The following SCHIP1 variants were observed in gnomAD, a reference collection of about 807,000 sequenced individuals.
The protein encoded by SCHIP1 is schwannomin-interacting protein 1.
Under a neutral mutation model 29.7 loss-of-function variants are expected in SCHIP1, and 8 were observed. The ratio of observed to expected loss-of-function variants is 0.27; its 90% CI spans 0.16 to 0.49. SCHIP1 has a LOEUF of 0.49. Ranked by LOEUF, SCHIP1 falls within the 20% of genes least tolerant of loss-of-function variation. The pLI, the probability that SCHIP1 is intolerant of heterozygous loss-of-function variation, is 0.99. For missense variants in SCHIP1, 193 were observed against 294.6 expected, an observed-to-expected ratio of 0.66 and a Z score of 2.52; for synonymous variants, 76 against 94.9, an observed-to-expected ratio of 0.80 and a Z score of 1.16.
the SCHIP1 span, among the ~76,000 whole-genome samples, chr3:159,437,434 G>A: frequency 5.3e-5 from 8 of 151,968 alleles, no homozygotes; most frequent in East Asian, 1.9e-4. Flanking sequence ...AATGTCCTAC[G>A]GCTGCCTCAG....
At chr3:159,678,508 G>A in the SCHIP1 span, among the ~76,000 whole-genome samples, 1 of 152,092 alleles carries the variant, frequency 6.6e-6, no homozygotes, top group Non-Finnish European at 1.5e-5. Context: ...TATTAACATT[G>A]ATAAAATATA....
chr3:159,484,385 G>A, the SCHIP1 span, among the ~76,000 whole-genome samples: 6 of 152,246 alleles, frequency 3.9e-5, no homozygotes, highest in South Asian at 2.1e-4. Context: ...CAGGCAATCC[G>A]TGTAGTTGGA....
intron 1 of SCHIP1, among the ~76,000 whole-genome samples, chr3:159,840,396 C>A (rs1043279936): frequency 6.6e-6 from 1 of 152,208 alleles, no homozygotes; most frequent in Non-Finnish European, 1.5e-5. Context: ...GGGCAGAAAA[C>A]ACTGCTTCCT....
At chr3:159,539,200 C>A in the SCHIP1 span, among the ~76,000 whole-genome samples, 669 of 152,062 alleles carry the variant, frequency 4.4e-3, 6 homozygotes, top group African/African-American at 0.015. Context: ...CTAAAGAGAT[C>A]TTTTTTTGTA....
chr3:159,324,041 C>T, the SCHIP1 span, among the ~76,000 whole-genome samples: 1 of 152,104 alleles, frequency 6.6e-6, no homozygotes, highest in African/African-American at 2.4e-5. Flanking sequence ...CTAGAGATAG[C>T]AACCTGGCTT....
chr3:159,307,437 A>C, the SCHIP1 span, among the ~76,000 whole-genome samples: 1 of 152,204 alleles, frequency 6.6e-6, no homozygotes, highest in Non-Finnish European at 1.5e-5. Flanking sequence ...TATCTAGTAC[A>C]TATGCATAGG....
chr3:159,472,999 G>C, the SCHIP1 span, among the ~76,000 whole-genome samples: 1 of 152,166 alleles, frequency 6.6e-6, no homozygotes, highest in African/African-American at 2.4e-5. Context: ...GTCCCAGTGA[G>C]TGATCATTAT....
chr3:159,275,342 G>T, the SCHIP1 span, among the ~76,000 whole-genome samples: 1 of 152,024 alleles, frequency 6.6e-6, no homozygotes. Context: ...AACTTAAATT[G>T]TTCCCTTATG....
chr3:159,707,235 G>A, the SCHIP1 span, among the ~76,000 whole-genome samples: 3 of 152,022 alleles, frequency 2.0e-5, no homozygotes, highest in Non-Finnish European at 2.9e-5. Flanking sequence ...AGGGAAGAGC[G>A]GTCAAGATCA....
chr3:159,781,881 T>C, the SCHIP1 span, among the ~76,000 whole-genome samples: 1 of 152,252 alleles, frequency 6.6e-6, no homozygotes, highest in South Asian at 2.1e-4. Context: ...ACTAAAAATC[T>C]AGAAAACAGC....
At chr3:159,881,540 C>A (rs1350468705) in intron 2 of SCHIP1, among the ~76,000 whole-genome samples, 1 of 152,126 alleles carries the variant, frequency 6.6e-6, no homozygotes, top group Non-Finnish European at 1.5e-5. Context: ...ATACAATTGC[C>A]TTAAAATTAT....
At chr3:159,745,683 G>T in the SCHIP1 span, among the ~76,000 whole-genome samples, 2 of 152,106 alleles carry the variant, frequency 1.3e-5, no homozygotes, top group South Asian at 4.1e-4. Flanking sequence ...TTAATTCCCT[G>T]CTCATGTATC....
chr3:159,740,063 T>G, the SCHIP1 span, among the ~76,000 whole-genome samples: 1 of 152,198 alleles, frequency 6.6e-6, no homozygotes, highest in African/African-American at 2.4e-5. Context: ...ATCTCGTCTC[T>G]CCTCATAGCC....
chr3:159,389,578 A>G, the SCHIP1 span, among the ~76,000 whole-genome samples: 1 of 152,134 alleles, frequency 6.6e-6, no homozygotes, highest in African/African-American at 2.4e-5. Flanking sequence ...AAATACATGC[A>G]TAAGGATAAT....
At chr3:159,635,977 T>C in the SCHIP1 span, among the ~76,000 whole-genome samples, 1 of 152,192 alleles carries the variant, frequency 6.6e-6, no homozygotes, top group African/African-American at 2.4e-5. Flanking sequence ...AAAGATCTCA[T>C]GCTAACCATT....
the SCHIP1 span, among the ~76,000 whole-genome samples, chr3:159,315,481 G>A: frequency 6.7e-6 from 1 of 149,822 alleles, no homozygotes; most frequent in East Asian, 1.9e-4. Flanking sequence ...ACCCACCTCA[G>A]CCTCCCAAAG....
chr3:159,305,152 G>T, the SCHIP1 span, among the ~76,000 whole-genome samples: 2 of 152,108 alleles, frequency 1.3e-5, no homozygotes, highest in Non-Finnish European at 2.9e-5. Flanking sequence ...CCCTGGGCCA[G>T]TTCACCTGCA....
At chr3:159,350,536 G>T in the SCHIP1 span, among the ~76,000 whole-genome samples, 2 of 151,998 alleles carry the variant, frequency 1.3e-5, no homozygotes, top group African/African-American at 4.8e-5. Context: ...AATAGGAATT[G>T]GAGTAAACTG....
the SCHIP1 span, among the ~76,000 whole-genome samples, chr3:159,808,999 T>TTA: frequency 6.6e-6 from 1 of 150,784 alleles, no homozygotes; most frequent in East Asian, 1.9e-4. Context: ...TTTTTTTTTT[T>TTA]ATTATACTTT....
Sources: gnomAD v4.1 joint callset for allele counts (sites outside exome capture counted in the v4.1 genomes callset) on GRCh38, gnomAD v4.1.1 for gene constraint, MANE v1.5 for transcripts, NCBI Gene and HGNC (gene_info 2026-07-23, HGNC 2026-07-21) for gene names.